Variants in ADAMTS6 observed in about 807,000 individuals in gnomAD.
The protein encoded by ADAMTS6 is ADAM metallopeptidase with thrombospondin type 1 motif 6.
Under a neutral mutation model 144.3 loss-of-function variants are expected in ADAMTS6, and 23 were observed. The observed-to-expected ratio is 0.16, with a 90% CI of 0.11 to 0.23. ADAMTS6 has a LOEUF of 0.23. Among genes scored for constraint, ADAMTS6 ranks in the 10% least tolerant of loss-of-function variants. ADAMTS6 has a pLI of 1.00. For missense variants in ADAMTS6, 999 were observed against 1,379.6 expected, an observed-to-expected ratio of 0.72 and a Z score of 4.37; for synonymous variants, 444 against 457.5, an observed-to-expected ratio of 0.97 and a Z score of 0.38.
intron 1 of ADAMTS6, among the ~76,000 whole-genome samples, chr5:65,480,345 A>C (rs1397411792): frequency 6.7e-6 from 1 of 150,174 alleles, no homozygotes; most frequent in Non-Finnish European, 1.5e-5. Flanking sequence ...CTTCGCCCAG[A>C]CAGAGGGTAA....
At chr5:65,173,177 G>T (rs1753739586) in intron 22 of ADAMTS6, among the ~76,000 whole-genome samples, 169 bp from the exon 23 acceptor site, 1 of 152,174 alleles carries the variant, frequency 6.6e-6, no homozygotes, top group African/African-American at 2.4e-5. Flanking sequence ...TGAAGCAGAG[G>T]TACTTTTATC....
At chr5:65,272,927 T>C (rs1435809403) in intron 12 of ADAMTS6, among the ~76,000 whole-genome samples, 1 of 139,076 alleles carries the variant, frequency 7.2e-6, no homozygotes. Context: ...AGACCCTGTC[T>C]CAAAAAAAAA....
intron 22 of ADAMTS6, 122 bp from the exon 23 acceptor site, chr5:65,173,130 G>C (rs1248290933): frequency 1.1e-6 from 1 of 937,346 alleles, no homozygotes; most frequent in Admixed American, 3.0e-5. Flanking sequence ...CTAAGTTCTA[G>C]GCAAAGTCTC....
At chr5:65,333,917 C>A in intron 8 of ADAMTS6, 125 bp downstream of exon 8, 1 of 1,067,542 alleles carries the variant, frequency 9.4e-7, no homozygotes. Context: ...TTCAGATGTA[C>A]AGAAAGGAAA....
chr5:65,368,599 C>T (rs868068807), intron 7 of ADAMTS6, among the ~76,000 whole-genome samples: 2 of 152,272 alleles, frequency 1.3e-5, no homozygotes, highest in Middle Eastern at 3.4e-3. Context: ...CCTGGAAATG[C>T]GGTGTCCATC....
In ADAMTS6 at chr5:65,468,578, C is replaced by T. The variant is rs534193922; in HGVS notation, c.462+2200G>A. Among the ~76,000 whole-genome samples, 129 of 152,212 alleles carry T rather than the reference C, an allele frequency of 8.5e-4. 1 individual carries two copies. Among genetic ancestry groups the T allele is most frequent in the African/African-American group, 3.1e-3 (127 of 41,518 alleles). On this transcript the variant is annotated intron_variant, in intron 3 of 24. Transcript: ENST00000381055. Reference sequence around the variant, plus strand: ...AAAAATAGTAACTTCAGTGGACAAACCTGGCAGATCACACCTTAATCAAAT... The same window carrying T: ...AAAAATAGTAACTTCAGTGGACAAATCTGGCAGATCACACCTTAATCAAAT...
intron 20 of ADAMTS6, among the ~76,000 whole-genome samples, chr5:65,199,230 A>G (rs142916621): frequency 8.1e-4 from 124 of 152,306 alleles, no homozygotes; most frequent in African/African-American, 2.9e-3. Context: ...AACATTCTCA[A>G]CACTACAAAA....
At chr5:65,425,146 G>A (rs1040313999) in intron 7 of ADAMTS6, among the ~76,000 whole-genome samples, 1 of 152,008 alleles carries the variant, frequency 6.6e-6, no homozygotes, top group Non-Finnish European at 1.5e-5. Flanking sequence ...ACAGGCGCAC[G>A]GCACCATGTC....
intron 7 of ADAMTS6, among the ~76,000 whole-genome samples, chr5:65,367,647 A>G (rs1254982281): frequency 6.6e-6 from 1 of 152,154 alleles, no homozygotes; most frequent in African/African-American, 2.4e-5. Context: ...AACTCCAAAC[A>G]GCCTTCCCAT....
chr5:65,206,838 T>TCTCTCACA (rs1205031458), intron 20 of ADAMTS6, among the ~76,000 whole-genome samples: 1 of 145,048 alleles, frequency 6.9e-6, no homozygotes, highest in African/African-American at 2.6e-5. Context: ...TCTCTCTCTC[T>TCTCTCACA]CACACACACA....
intron 18 of ADAMTS6, among the ~76,000 whole-genome samples, chr5:65,218,087 A>G (rs1757061633): frequency 1.3e-5 from 2 of 152,216 alleles, no homozygotes; most frequent in East Asian, 1.9e-4. Flanking sequence ...ATGCAGGACC[A>G]GAGAACAAGA....
intron 7 of ADAMTS6, among the ~76,000 whole-genome samples, chr5:65,401,525 G>A (rs1185059278): frequency 2.0e-5 from 3 of 152,160 alleles, no homozygotes; most frequent in Admixed American, 1.3e-4. Context: ...AGCTCCTACA[G>A]GTACAATTCT....
intron 8 of ADAMTS6, 26 bp downstream of exon 8, chr5:65,334,016 A>AC: frequency 7.0e-7 from 1 of 1,419,370 alleles, no homozygotes; most frequent in South Asian, 1.6e-5. Flanking sequence ...AAAAAAAAAA[A>AC]AAAAAAAAAA....
At chr5:65,278,720 C>A (rs1192280568) in intron 11 of ADAMTS6, among the ~76,000 whole-genome samples, 1 of 152,126 alleles carries the variant, frequency 6.6e-6, no homozygotes, top group East Asian at 1.9e-4. Flanking sequence ...TTCTTTTTGA[C>A]ATACATCCAT....
intron 7 of ADAMTS6, among the ~76,000 whole-genome samples, chr5:65,401,521 T>A (rs964026771): frequency 1.3e-5 from 2 of 152,212 alleles, no homozygotes; most frequent in African/African-American, 4.8e-5. Context: ...GTCAAGCTCC[T>A]ACAGGTACAA....
chr5:65,230,603 A>G lies in ADAMTS6; in HGVS notation c.1934-4384T>C, dbSNP rs189646636. 1.6e-4 allele frequency among the ~76,000 whole-genome samples: 8 copies of G among 50,674 alleles called. 1 individual carries two copies. The highest frequency in any genetic ancestry group is 5.9e-4 in the African/African-American group (8 of 13,462). The allele number at this position is 50,674 out of a possible 152,430, so 33.2% of individuals were successfully genotyped here. On this transcript the variant is annotated intron_variant, in intron 15 of 24. Coordinates refer to ENST00000381055, the MANE Select transcript of ADAMTS6 (RefSeq NM_197941.4). ...ATGAAATATATAATACATGATATAT[A>G]TGAAATATATATAACACATATGTAT...
At chr5:65,310,627 T>A (rs1407814433) in intron 9 of ADAMTS6, among the ~76,000 whole-genome samples, 1 of 152,206 alleles carries the variant, frequency 6.6e-6, no homozygotes, top group East Asian at 1.9e-4. Flanking sequence ...GCACACTAAA[T>A]CATTGTCTGT....
At chr5:65,184,917 G>A (rs1008029808) in intron 22 of ADAMTS6, among the ~76,000 whole-genome samples, 3 of 152,136 alleles carry the variant, frequency 2.0e-5, no homozygotes, top group Non-Finnish European at 4.4e-5. Context: ...GGGTCAAAGG[G>A]CAAATTCCTC....
At chr5:65,333,248 C>T (rs1393949440) in intron 8 of ADAMTS6, among the ~76,000 whole-genome samples, 1 of 152,014 alleles carries the variant, frequency 6.6e-6, no homozygotes, top group Non-Finnish European at 1.5e-5. Flanking sequence ...AGCTTCTGTC[C>T]TTTAAAATAA....
Sources: allele counts gnomAD v4.1 joint callset (sites outside exome capture counted in the v4.1 genomes callset), GRCh38; gene constraint gnomAD v4.1.1; transcripts MANE v1.5; gene names NCBI Gene and HGNC (gene_info 2026-07-23, HGNC 2026-07-21).